The following GABRB3 variants were observed in gnomAD, a reference collection of about 807,000 sequenced individuals.
GABRB3 encodes gamma-aminobutyric acid type A receptor subunit beta3, also known as gamma-aminobutyric acid receptor subunit beta-3.
Under a neutral mutation model 52.1 loss-of-function variants are expected in GABRB3, and 14 were observed. The observed-to-expected ratio is 0.27, with a 90% confidence interval of 0.18 to 0.42. The LOEUF (loss-of-function observed/expected upper bound fraction) is 0.42. Ranked by LOEUF, GABRB3 falls within the 10% of genes least tolerant of loss-of-function variation. The pLI, the probability that GABRB3 is intolerant of heterozygous loss-of-function variation, is 1.00. For synonymous variants in GABRB3, 260 were observed against 232.3 expected (o/e 1.12, Z -1.08); for missense variants, 307 against 609.1 (o/e 0.50, Z 5.22).
At chr15:26,708,192 T>C (rs1889168053) in intron 3 of GABRB3, among the ~76,000 whole-genome samples, 1 of 152,210 alleles carries the variant, frequency 6.6e-6, no homozygotes, top group Admixed American at 6.5e-5. Context: ...CATGTTCTTC[T>C]AGAGTTTGAA....
intron 3 of GABRB3, among the ~76,000 whole-genome samples, chr15:26,667,108 C>G (rs1666702474): frequency 6.6e-6 from 1 of 152,210 alleles, no homozygotes; most frequent in Non-Finnish European, 1.5e-5. Context: ...ATGAATATCA[C>G]CTCGCTTCGG....
chr15:26,650,577 A>G (rs1887164959), intron 3 of GABRB3, among the ~76,000 whole-genome samples: 1 of 152,060 alleles, frequency 6.6e-6, no homozygotes, highest in Non-Finnish European at 1.5e-5. Flanking sequence ...CAAGCTGAAG[A>G]CAATTTAAAG....
intron 3 of GABRB3, among the ~76,000 whole-genome samples, chr15:26,688,349 G>C (rs1346651747): frequency 2.0e-5 from 3 of 152,098 alleles, no homozygotes; most frequent in African/African-American, 7.2e-5. Flanking sequence ...TATGACCCCA[G>C]CCAGCCCTTC....
chr15:26,671,320 G>C (rs1044667260), intron 3 of GABRB3, among the ~76,000 whole-genome samples: 1 of 152,192 alleles, frequency 6.6e-6, no homozygotes, highest in Non-Finnish European at 1.5e-5. Flanking sequence ...TGCTACTCAA[G>C]TATCTGGCAA....
At chr15:26,760,228 G>T (rs918504578) in intron 3 of GABRB3, among the ~76,000 whole-genome samples, 10 of 152,300 alleles carry the variant, frequency 6.6e-5, no homozygotes, top group Middle Eastern at 3.4e-3. Flanking sequence ...AGAAGCTGTG[G>T]TCTGTGTAAA....
At chr15:26,623,869 C>T (rs959555376) in intron 3 of GABRB3, among the ~76,000 whole-genome samples, 28 of 152,328 alleles carry the variant, frequency 1.8e-4, no homozygotes, top group African/African-American at 5.8e-4. Context: ...ACTCCCTGAG[C>T]AGCCCCCATG....
At chr15:26,667,257 C>A (rs949147658) in intron 3 of GABRB3, among the ~76,000 whole-genome samples, 1 of 152,216 alleles carries the variant, frequency 6.6e-6, no homozygotes, top group African/African-American at 2.4e-5. Flanking sequence ...GAGGAGTGAA[C>A]TGCCAAGCAG....
chr15:26,554,144 G>GTA (rs547570760), intron 8 of GABRB3, among the ~76,000 whole-genome samples: 3,008 of 32,086 alleles, frequency 0.094, 533 homozygotes, highest in African/African-American at 0.34. Context: ...TATATATAAA[G>GTA]TATATATATA....
intron 4 of GABRB3, chr15:26,612,617 G>T (rs1214177358): frequency 2.0e-5 from 3 of 152,138 alleles, no homozygotes. Context: ...CATAAACAAA[G>T]ACATGAATGA....
At chr15:26,683,845 T>C (rs1888317711) in intron 3 of GABRB3, among the ~76,000 whole-genome samples, 1 of 152,126 alleles carries the variant, frequency 6.6e-6, no homozygotes, top group Admixed American at 6.5e-5. Context: ...GCATGAAGAA[T>C]GTCTCCAATC....
Position 26,690,068 on chromosome 15 carries a change from C to CT in GABRB3, c.241-68535dup, listed in dbSNP as rs374087237. 1.6e-3 allele frequency among the ~76,000 whole-genome samples: 233 copies of CT among 148,078 alleles called. 2 individuals are homozygous for CT. Among genetic ancestry groups the CT allele is most frequent in the East Asian group, 2.2e-3 (11 of 4,954 alleles). On this transcript the variant is annotated intron_variant, in intron 3 of 8. Transcript: ENST00000311550. ...TGGCCATACCCCACTAGATACAGCT[C>CT]TTTTTTTTACCAATCTGGAGAATGA... is the stretch of plus-strand genomic sequence containing the variant.
chr15:26,696,378 T>C (rs7163387), intron 3 of GABRB3, among the ~76,000 whole-genome samples: 211 of 148,850 alleles, frequency 1.4e-3, no homozygotes, highest in African/African-American at 5.0e-3. Flanking sequence ...ACTATTATAA[T>C]TACTGTTATT....
chr15:26,634,690 A>G (rs1892998410), intron 3 of GABRB3, among the ~76,000 whole-genome samples: 1 of 151,942 alleles, frequency 6.6e-6, no homozygotes, highest in Non-Finnish European at 1.5e-5. Context: ...TCTATAAGGG[A>G]GCAGATGTTC....
intron 3 of GABRB3, among the ~76,000 whole-genome samples, chr15:26,715,476 T>C (rs2140135220): frequency 6.6e-6 from 1 of 152,138 alleles, no homozygotes; most frequent in East Asian, 1.9e-4. Context: ...CACGATGTAA[T>C]AAGACTTGCA....
At chr15:26,679,899 AG>A (rs1888185272) in intron 3 of GABRB3, among the ~76,000 whole-genome samples, 1 of 152,200 alleles carries the variant, frequency 6.6e-6, no homozygotes, top group African/African-American at 2.4e-5. Flanking sequence ...GTTACTCTAC[AG>A]ATTAACTTTC....
In GABRB3 at chr15:26,628,828, C is replaced by T. The variant is rs140295085; in HGVS notation, c.241-7294G>A. On this transcript the variant is annotated intron_variant, in intron 3 of 8. Coordinates refer to ENST00000311550, the MANE Select transcript of GABRB3 (RefSeq NM_000814.6). ...GGTAGCTGAGGGAGCCCTAGAGAGA[C>T]GAAAGGGGGCCAGCAGAGGCCTGAA... 453 of 817,840 alleles carry T rather than the reference C, an allele frequency of 5.5e-4. 4 individuals carry two copies. The East Asian group carries it at 0.01, about 19-fold the overall frequency. 50.7% of individuals were successfully genotyped at this position (817,840 alleles called of 1,614,324 possible).
chr15:26,629,077 C>T (rs2140555320), intron 3 of GABRB3: 6 of 1,536,006 alleles, frequency 3.9e-6, no homozygotes, highest in Non-Finnish European at 5.2e-6. Flanking sequence ...CCACGCTAAC[C>T]GGAAGTTGTG....
chr15:26,685,807 TTTTTTTTTTG>T, intron 3 of GABRB3, among the ~76,000 whole-genome samples: 2 of 151,076 alleles, frequency 1.3e-5, no homozygotes, highest in African/African-American at 4.9e-5. Flanking sequence ...GTCTTTTTTT[TTTTTTTTTTG>T]CCCTAGAGAC....
At chr15:26,557,961 G>A (rs956312804) in intron 8 of GABRB3, 4 of 152,098 alleles carry the variant, frequency 2.6e-5, no homozygotes, top group African/African-American at 9.7e-5. Context: ...ACCACAGTTT[G>A]ACTGTTTTAA....
Sources: gnomAD v4.1 joint callset for allele counts (sites outside exome capture counted in the v4.1 genomes callset) on GRCh38, gnomAD v4.1.1 for gene constraint, MANE v1.5 for transcripts, NCBI Gene and HGNC (gene_info 2026-07-23, HGNC 2026-07-21) for gene names.